The following SRPK1 variants were observed in gnomAD, a reference collection of about 807,000 sequenced individuals.
SRPK1 encodes the protein SFRS protein kinase 1.
In SRPK1, 52 loss-of-function variants were observed where a neutral mutation model predicts 89.5. The ratio of observed to expected loss-of-function variants is 0.58; its 90% CI spans 0.46 to 0.73. The LOEUF (loss-of-function observed/expected upper bound fraction) is 0.73, where lower values mean the gene tolerates loss of function less well. SRPK1 is among the 30% of genes least tolerant of loss of function. SRPK1 has a pLI of 0.00. For synonymous variants in SRPK1, 255 were observed against 270.2 expected, an observed-to-expected ratio of 0.94 and a Z score of 0.55; for missense variants, 603 against 780.6, an observed-to-expected ratio of 0.77 and a Z score of 2.71.
At chr6:35,877,875 C>T (rs1406309511) in intron 6 of SRPK1, among the ~76,000 whole-genome samples, 1 of 151,594 alleles carries the variant, frequency 6.6e-6, no homozygotes, top group African/African-American at 2.4e-5. Flanking sequence ...AATGAACTTC[C>T]AGAGACAAAA....
chr6:35,856,674 T>C (rs937657165), intron 13 of SRPK1, among the ~76,000 whole-genome samples: 5 of 152,100 alleles, frequency 3.3e-5, no homozygotes, highest in Admixed American at 2.0e-4. Context: ...TTAGAAATTG[T>C]GGTGATTAAA....
At chr6:35,884,709 A>G (rs1053086078) in intron 6 of SRPK1, among the ~76,000 whole-genome samples, 1 of 152,154 alleles carries the variant, frequency 6.6e-6, no homozygotes, top group Admixed American at 6.5e-5. Flanking sequence ...TGTTTGAAAA[A>G]TATCTTGGGG....
rs1251835134 is a variant in SRPK1, at chr6:35,887,968, A to G, written c.390+56T>C. ...CCTCCACTTGGTGTGTTTTTATTCAATGAAACTTGATTTATTTATAATTCT... is the reference window on the plus strand; with the variant it reads ...CCTCCACTTGGTGTGTTTTTATTCAGTGAAACTTGATTTATTTATAATTCT... On this transcript the variant is annotated intron_variant, in intron 5 of 15. Coordinates refer to ENST00000373825, the MANE Select transcript of SRPK1 (RefSeq NM_003137.5). 32 of 1,296,212 alleles carry G rather than the reference A, an allele frequency of 2.5e-5. No individual in the cohort carries two copies. The South Asian group carries it at 4.3e-4, about 18-fold the overall frequency. 80.3% of individuals were successfully genotyped at this position (1,296,212 alleles called of 1,614,324 possible).
intron 1 of SRPK1, 40 bp downstream of exon 1, chr6:35,921,004 G>A (rs549063975): frequency 2.0e-6 from 3 of 1,533,210 alleles, no homozygotes; most frequent in South Asian, 1.2e-5. Context: ...TCGCCCCGGC[G>A]ACCATTGCCC....
chr6:35,848,476 C>T (rs962614982), intron 13 of SRPK1, among the ~76,000 whole-genome samples: 1 of 152,182 alleles, frequency 6.6e-6, no homozygotes, highest in Non-Finnish European at 1.5e-5. Flanking sequence ...AGGATCACTT[C>T]AGCCCAGGAA....
intron 8 of SRPK1, among the ~76,000 whole-genome samples, chr6:35,871,988 A>G (rs1770045828): frequency 6.6e-6 from 1 of 151,872 alleles, no homozygotes; most frequent in South Asian, 2.1e-4. Flanking sequence ...TCATCCACCC[A>G]CCTCAACCTC....
At chr6:35,915,977 C>CAA (rs1220080861) in intron 2 of SRPK1, among the ~76,000 whole-genome samples, 2 of 74,366 alleles carry the variant, frequency 2.7e-5, no homozygotes, top group Non-Finnish European at 5.1e-5. Flanking sequence ...GTCTCAAAAA[C>CAA]AAAAAAAAAA....
Position 35,833,720 on chromosome 6 carries a change from C to G in SRPK1, c.*1584G>C, listed in dbSNP as rs1441427317. 6.6e-6 allele frequency: 1 copy of G among 152,650 alleles called. No individual in the cohort carries two copies. The highest frequency in any genetic ancestry group is 2.4e-5 in the African/African-American group (1 of 41,462). 9.5% of individuals were successfully genotyped at this position (152,650 alleles called of 1,614,324 possible). Reference sequence around the variant, plus strand: ...TGGATTGCATAACGGCACCACTTTTCCTTTGTCACTGTGGTGGATAAATGA... The same window carrying G: ...TGGATTGCATAACGGCACCACTTTTGCTTTGTCACTGTGGTGGATAAATGA... On this transcript the variant is annotated 3_prime_UTR_variant, in exon 16 of 16. Coordinates refer to ENST00000373825, the MANE Select transcript of SRPK1 (RefSeq NM_003137.5).
At chr6:35,839,283 T>C (rs932524038) in intron 14 of SRPK1, among the ~76,000 whole-genome samples, 6 of 152,176 alleles carry the variant, frequency 3.9e-5, no homozygotes, top group African/African-American at 1.2e-4. Context: ...CCCGAAGTGT[T>C]GGGATTACAG....
chr6:35,842,108 G>A (rs903705783), intron 14 of SRPK1, among the ~76,000 whole-genome samples: 1 of 152,106 alleles, frequency 6.6e-6, no homozygotes, highest in Non-Finnish European at 1.5e-5. Context: ...CTAAATTTTG[G>A]CAGAATTTAT....
At chr6:35,856,197 A>G (rs1352212647) in intron 13 of SRPK1, among the ~76,000 whole-genome samples, 1 of 152,168 alleles carries the variant, frequency 6.6e-6, no homozygotes, top group East Asian at 1.9e-4. Context: ...CATCTCAATA[A>G]AACTCTGAAT....
Position 35,872,742 on chromosome 6 carries a change from G to C in SRPK1, c.586-14C>G, listed in dbSNP as rs1362019125. 6.3e-7 allele frequency: 1 copy of C among 1,582,272 alleles called. No individual in the cohort carries two copies. The highest frequency in any genetic ancestry group is 8.6e-7 in the Non-Finnish European group (1 of 1,167,296). On this transcript the variant is annotated splice_polypyrimidine_tract_variant and intron_variant, in intron 7 of 15. Transcript: ENST00000373825. The stretch of plus-strand genomic sequence containing the variant: ...ACCCTGTAACACCTGAATGGAAATA[G>C]AGTGGCAGACTTGCAAACACAAAAT...
chr6:35,920,265 G>T (rs1771202880), intron 2 of SRPK1: 1 of 650,440 alleles, frequency 1.5e-6, no homozygotes. Context: ...CAGGCCCGGG[G>T]CTGCTAAGAC....
intron 14 of SRPK1, among the ~76,000 whole-genome samples, 183 bp downstream of exon 14, chr6:35,842,352 T>C (rs954793819): frequency 3.9e-5 from 6 of 152,208 alleles, no homozygotes; most frequent in African/African-American, 1.4e-4. Flanking sequence ...CAGAGCTCTT[T>C]AGTATCTTTC....
chr6:35,847,897 G>A (rs9470135), intron 13 of SRPK1, among the ~76,000 whole-genome samples: 2 of 150,886 alleles, frequency 1.3e-5, no homozygotes, highest in Non-Finnish European at 1.5e-5. Context: ...GTGTAATCTC[G>A]GCTTACTGTA....
chr6:35,840,810 G>C (rs2151078275), intron 14 of SRPK1, among the ~76,000 whole-genome samples: 1 of 152,334 alleles, frequency 6.6e-6, no homozygotes, highest in Admixed American at 6.5e-5. Flanking sequence ...AACTGCAGCA[G>C]AACAGCATCG....
chr6:35,895,138 G>T (rs953234984), intron 2 of SRPK1, among the ~76,000 whole-genome samples: 1 of 151,982 alleles, frequency 6.6e-6, no homozygotes, highest in Non-Finnish European at 1.5e-5. Flanking sequence ...ACATAATTAC[G>T]AATTCCAAGA....
At chr6:35,879,878 C>A (rs1770235495) in intron 6 of SRPK1, among the ~76,000 whole-genome samples, 1 of 151,848 alleles carries the variant, frequency 6.6e-6, no homozygotes, top group African/African-American at 2.4e-5. Flanking sequence ...TCAAGACCAA[C>A]CTGGGCCACA....
chr6:35,901,598 A>G (rs148248719), intron 2 of SRPK1, among the ~76,000 whole-genome samples: 143 of 152,336 alleles, frequency 9.4e-4, no homozygotes, highest in African/African-American at 3.3e-3. Flanking sequence ...TCCCTTAAGA[A>G]ATCCTAAGTC....
Sources: allele counts gnomAD v4.1 joint callset (sites outside exome capture counted in the v4.1 genomes callset), GRCh38; gene constraint gnomAD v4.1.1; transcripts MANE v1.5; gene names NCBI Gene and HGNC (gene_info 2026-07-23, HGNC 2026-07-21).